Variants in ENOPH1 observed in about 807,000 individuals in gnomAD.
ENOPH1 encodes the protein enolase-phosphatase 1, also known as enolase-phosphatase E1.
ENOPH1 carries 14 observed loss-of-function variants against 31.1 expected under a neutral mutation model. That is an observed-to-expected ratio of 0.45 (90% CI 0.30 to 0.70). The LOEUF is 0.70. ENOPH1 is among the 30% of genes least tolerant of loss of function. ENOPH1 has a pLI of 0.09. For synonymous variants in ENOPH1, 127 were observed against 123.2 expected (o/e 1.03, Z -0.21); for missense variants, 243 against 321.5 (o/e 0.76, Z 1.87).
In ENOPH1 at chr4:82,451,023, A is replaced by G; in HGVS notation, c.187-20A>G. 2.5e-6 allele frequency: 4 copies of G among 1,603,538 alleles called. No homozygotes were observed. Among genetic ancestry groups the G allele is most frequent in the East Asian group, 2.2e-5 (1 of 44,736 alleles). ...TTTGAATAAGCAAAAAACAAACATC[A>G]TGTTGTTTCTGACTTAAAGGCTGAA... On this transcript the variant is annotated intron_variant, in intron 2 of 5. Transcript: ENST00000273920.
At chr4:82,453,239 AAACCCTAGGATCC>A (rs1388388943) in intron 3 of ENOPH1, among the ~76,000 whole-genome samples, 7 of 152,174 alleles carry the variant, frequency 4.6e-5, no homozygotes, top group Non-Finnish European at 1.0e-4. Flanking sequence ...TGCCTGCTGT[AAACCCTAGGATCC>A]AAGATTGTTT....
rs780331684 is a variant in ENOPH1, at chr4:82,430,810, C to A, written c.-20C>A. 6.2e-7 allele frequency: 1 copy of A among 1,613,328 alleles called. No homozygotes were observed. The highest frequency in any genetic ancestry group is 1.7e-4 in the Middle Eastern group (1 of 6,060). On this transcript the variant is annotated 5_prime_UTR_variant, in exon 1 of 6. Coordinates refer to ENST00000273920, the MANE Select transcript of ENOPH1 (RefSeq NM_021204.5). ...GCCCTCCCCAACAGCAGGCCGAGTC[C>A]CGTAGCATCCGGTAGGGAAATGGTC...
At chr4:82,435,518 T>G (rs537453160) in intron 1 of ENOPH1, among the ~76,000 whole-genome samples, 38 of 152,362 alleles carry the variant, frequency 2.5e-4, no homozygotes, top group African/African-American at 8.7e-4. Flanking sequence ...TTATGTCCTC[T>G]TATAATGTAT....
In ENOPH1 at chr4:82,459,995, G is replaced by C; in HGVS notation, c.661G>C (p.Glu221Gln). The change falls in exon 6 of 6, where the codon GAG becomes CAG. Residue 221 changes from glutamate (E) to glutamine (Q), a missense_variant. Glu to Gln is a conservative substitution (Grantham distance 29). Transcript: ENST00000273920. ...ATTTTTCACAGAGGCCAGTGCTGCT[G>C]AGGAAGCAGATGTGCACGTAGCTGT... ...TDVTREASAAEEADVHVAVVV... is the reference protein window; with the variant it reads ...TDVTREASAAQEADVHVAVVV... 1 of 1,613,946 alleles carries C rather than the reference G, an allele frequency of 6.2e-7. No individual in the cohort carries two copies. The highest frequency in any genetic ancestry group is 8.5e-7 in the Non-Finnish European group (1 of 1,180,032).
chr4:82,450,587 A>G (rs887995428), intron 2 of ENOPH1, among the ~76,000 whole-genome samples: 2 of 152,252 alleles, frequency 1.3e-5, no homozygotes, highest in Non-Finnish European at 2.9e-5. Flanking sequence ...GGGAGATTAT[A>G]GGAGACTGAA....
chr4:82,441,650 A>G (rs1722045688), intron 1 of ENOPH1, among the ~76,000 whole-genome samples: 1 of 152,036 alleles, frequency 6.6e-6, no homozygotes, highest in South Asian at 2.1e-4. Context: ...AAATAAAATA[A>G]AGTAAAAACC....
At chr4:82,442,962 C>T (rs910182236) in intron 1 of ENOPH1, among the ~76,000 whole-genome samples, 2 of 152,100 alleles carry the variant, frequency 1.3e-5, no homozygotes, top group Non-Finnish European at 2.9e-5. Context: ...CGCGAGCCAC[C>T]ACACCTGGCT....
chr4:82,440,428 T>C (rs1371664747), intron 1 of ENOPH1, among the ~76,000 whole-genome samples: 3 of 152,210 alleles, frequency 2.0e-5, no homozygotes, highest in African/African-American at 7.2e-5. Context: ...TGGGATTTGA[T>C]AGGCCTGGGT....
At chr4:82,431,980 A>G (rs997102687) in intron 1 of ENOPH1, among the ~76,000 whole-genome samples, 3 of 151,276 alleles carry the variant, frequency 2.0e-5, no homozygotes, top group South Asian at 2.1e-4. Flanking sequence ...GAGTGGTGCA[A>G]TCACAGCTCA....
chr4:82,450,145 T>G (rs1242913498), intron 2 of ENOPH1, among the ~76,000 whole-genome samples: 1 of 152,234 alleles, frequency 6.6e-6, no homozygotes, highest in African/African-American at 2.4e-5. Flanking sequence ...ATGGAATATT[T>G]GGGATTTTAA....
chr4:82,447,823 T>A, intron 1 of ENOPH1, 97 bp from the exon 2 acceptor site: 1 of 619,418 alleles, frequency 1.6e-6, no homozygotes, highest in Non-Finnish European at 2.6e-6. Flanking sequence ...TCCATTGATT[T>A]ATTTGTTACA....
chr4:82,458,431 G>A (rs1722556254), intron 5 of ENOPH1, among the ~76,000 whole-genome samples: 2 of 152,072 alleles, frequency 1.3e-5, no homozygotes, highest in South Asian at 2.1e-4. Flanking sequence ...AATTGCTTGA[G>A]CCTGGGAGGC....
chr4:82,434,412 A>T (rs1334197907), intron 1 of ENOPH1, among the ~76,000 whole-genome samples: 1 of 151,922 alleles, frequency 6.6e-6, no homozygotes, highest in Admixed American at 6.6e-5. Context: ...GGTGAAAGCC[A>T]GTCTCTACTA....
At chr4:82,455,840 C>T (rs552908002) in intron 4 of ENOPH1, among the ~76,000 whole-genome samples, 11 of 151,796 alleles carry the variant, frequency 7.2e-5, no homozygotes, top group Non-Finnish European at 1.2e-4. Flanking sequence ...GAATATAGAC[C>T]GAACTTATAA....
intron 1 of ENOPH1, among the ~76,000 whole-genome samples, chr4:82,446,928 G>T (rs6852587): frequency 2.7e-5 from 4 of 148,838 alleles, no homozygotes; most frequent in Non-Finnish European, 5.9e-5. Context: ...GGATGGTCTC[G>T]ATCTCCTGAC....
chr4:82,459,961 C>A lies in ENOPH1; in HGVS notation c.647-20C>A. The A allele has an allele frequency of 6.2e-7, 1 of 1,612,892 alleles. No individual in the cohort carries two copies. Among genetic ancestry groups the A allele is most frequent in the South Asian group, 1.1e-5 (1 of 90,996 alleles). On this transcript the variant is annotated intron_variant, in intron 5 of 5. Transcript: ENST00000273920. Reference sequence around the variant, plus strand: ...TTTTTTGGTGTTTCTGACACACACACATCCTTTGATTTTTCACAGAGGCCA... The same window carrying A: ...TTTTTTGGTGTTTCTGACACACACAAATCCTTTGATTTTTCACAGAGGCCA...
chr4:82,455,607 C>T (rs533578810), intron 4 of ENOPH1, among the ~76,000 whole-genome samples: 22 of 145,094 alleles, frequency 1.5e-4, no homozygotes, highest in African/African-American at 2.6e-4. Flanking sequence ...GGTGAAACCC[C>T]GTCTCTACTA....
intron 4 of ENOPH1, 141 bp from the exon 5 acceptor site, chr4:82,456,774 T>C (rs552804996): frequency 3.1e-6 from 3 of 966,710 alleles, no homozygotes; most frequent in East Asian, 5.1e-5. Context: ...TTGTATAGCC[T>C]CCATAAAGTT....
chr4:82,459,403 A>C (rs1722581976), intron 5 of ENOPH1, among the ~76,000 whole-genome samples: 1 of 151,946 alleles, frequency 6.6e-6, no homozygotes, highest in Non-Finnish European at 1.5e-5. Context: ...CAATCCTCCC[A>C]CCTCAGCACT....
Sources: allele counts gnomAD v4.1 joint callset (sites outside exome capture counted in the v4.1 genomes callset), GRCh38; gene constraint gnomAD v4.1.1; transcripts MANE v1.5; gene names NCBI Gene and HGNC (gene_info 2026-07-23, HGNC 2026-07-21).